SCAI: variants seen among roughly 807,000 people sequenced by gnomAD.
The protein encoded by SCAI is protein SCAI.
In SCAI, 24 loss-of-function variants were observed where a neutral mutation model predicts 92.2. That is an observed-to-expected ratio of 0.26 (90% CI 0.19 to 0.37). SCAI has a LOEUF of 0.37. Ranked by LOEUF, SCAI falls within the 10% of genes least tolerant of loss-of-function variation. The pLI is 1.00. For synonymous variants in SCAI, 261 were observed against 258.6 expected (o/e 1.01, Z -0.09); for missense variants, 450 against 736.2 (o/e 0.61, Z 4.50).
intron 14 of SCAI, among the ~76,000 whole-genome samples, chr9:124,982,679 C>CAAAA (rs35467160): frequency 2.7e-5 from 2 of 74,086 alleles, no homozygotes; most frequent in Non-Finnish European, 2.7e-5. Context: ...GACTCTGTCT[C>CAAAA]AAAAAAAAAA....
intron 2 of SCAI, among the ~76,000 whole-genome samples, chr9:125,119,148 T>C (rs1366442069): frequency 6.6e-6 from 1 of 152,128 alleles, no homozygotes; most frequent in African/African-American, 2.4e-5. Context: ...CCCATCTCTA[T>C]TGTTGGCGGG....
chr9:125,112,463 G>C (rs1010250089), intron 2 of SCAI, among the ~76,000 whole-genome samples: 1 of 152,310 alleles, frequency 6.6e-6, no homozygotes, highest in East Asian at 1.9e-4. Context: ...AACTCTTCTT[G>C]TAACCGGCCA....
intron 17 of SCAI, among the ~76,000 whole-genome samples, chr9:124,960,336 G>GC (rs1161970440): frequency 6.6e-6 from 1 of 152,056 alleles, no homozygotes; most frequent in Non-Finnish European, 1.5e-5. Context: ...CTCAAGCGAC[G>GC]CCCCAGCTTT....
intron 17 of SCAI, among the ~76,000 whole-genome samples, chr9:124,970,652 G>A (rs950728444): frequency 1.3e-5 from 2 of 152,008 alleles, no homozygotes; most frequent in Non-Finnish European, 2.9e-5. Flanking sequence ...GAACCCAGGA[G>A]GCAGAGGTTG....
rs146990437 is a variant in SCAI at position 125,059,452 on chromosome 9, A to G, written c.99-3445T>C. 2.1e-3 allele frequency among the ~76,000 whole-genome samples: 324 copies of G among 152,360 alleles called. 1 individual carries two copies. Among genetic ancestry groups the G allele is most frequent in the African/African-American group, 7.0e-3 (291 of 41,588 alleles). On this transcript the variant is annotated intron_variant, in intron 2 of 17. Transcript: ENST00000336505. The stretch of plus-strand genomic sequence containing the variant: ...AGGAGTAAATTTCAATGTTAATAAG[A>G]AAAATGTTCAACCACCAATGATGAA...
intron 2 of SCAI, among the ~76,000 whole-genome samples, chr9:125,126,567 G>GTGTGTGT (rs1835283082): frequency 6.8e-4 from 88 of 128,576 alleles, no homozygotes; most frequent in African/African-American, 2.4e-3. Context: ...GGTGGGTGTG[G>GTGTGTGT]GTGTGTGTGT....
chr9:124,993,149 C>T (rs1241825202), intron 14 of SCAI, among the ~76,000 whole-genome samples: 1 of 152,236 alleles, frequency 6.6e-6, no homozygotes, highest in African/African-American at 2.4e-5. Context: ...AGACAGAGTA[C>T]TTCTTTTGAA....
At chr9:125,026,045 T>C (rs1832958569) in intron 6 of SCAI, among the ~76,000 whole-genome samples, 1 of 152,216 alleles carries the variant, frequency 6.6e-6, no homozygotes, top group Admixed American at 6.5e-5. Flanking sequence ...TCTGATTTCT[T>C]CCACAATTCC....
intron 10 of SCAI, 21 bp from the exon 11 acceptor site, chr9:125,003,236 CATT>C: frequency 6.5e-7 from 1 of 1,543,256 alleles, no homozygotes; most frequent in Non-Finnish European, 9.0e-7. Context: ...ACACAGAAAA[CATT>C]ATACATAAAA....
intron 3 of SCAI, among the ~76,000 whole-genome samples, chr9:125,037,098 G>T (rs2131101102): frequency 6.6e-6 from 1 of 152,164 alleles, no homozygotes; most frequent in East Asian, 1.9e-4. Context: ...GTGAAACCCT[G>T]TCTCTACTAA....
intron 14 of SCAI, among the ~76,000 whole-genome samples, chr9:124,991,211 G>C (rs1832114086): frequency 1.3e-5 from 2 of 151,694 alleles, no homozygotes; most frequent in Admixed American, 6.6e-5. Context: ...AATTAGCCAG[G>C]TGTGGTGGCA....
intron 14 of SCAI, among the ~76,000 whole-genome samples, chr9:124,991,180 C>T (rs1275972119): frequency 1.3e-5 from 2 of 151,494 alleles, no homozygotes; most frequent in Non-Finnish European, 2.9e-5. Context: ...TGGGGAAATC[C>T]CATCTCTACT....
intron 7 of SCAI, among the ~76,000 whole-genome samples, chr9:125,020,348 TCA>T (rs978804897): frequency 1.3e-4 from 20 of 152,310 alleles, no homozygotes; most frequent in Admixed American, 2.6e-4. Context: ...TACTTTTTCT[TCA>T]CATAACATTT....
At chr9:125,001,524 T>C (rs1832361567) in intron 12 of SCAI, among the ~76,000 whole-genome samples, 5 of 152,216 alleles carry the variant, frequency 3.3e-5, no homozygotes, top group Admixed American at 3.3e-4. Context: ...GTTACGAAAG[T>C]ACACTGATTT....
chr9:125,037,484 C>T (rs968084813), intron 3 of SCAI, among the ~76,000 whole-genome samples: 1 of 151,988 alleles, frequency 6.6e-6, no homozygotes, highest in Non-Finnish European at 1.5e-5. Context: ...ATGACCTAAC[C>T]AATTCCATTT....
At chr9:125,072,637 C>T (rs1834001207) in intron 2 of SCAI, among the ~76,000 whole-genome samples, 1 of 152,126 alleles carries the variant, frequency 6.6e-6, no homozygotes, top group South Asian at 2.1e-4. Flanking sequence ...CATCCATCTC[C>T]ATTTTTACCT....
intron 17 of SCAI, among the ~76,000 whole-genome samples, chr9:124,962,867 T>C (rs539787139): frequency 2.0e-5 from 3 of 151,840 alleles, no homozygotes; most frequent in Non-Finnish European, 4.4e-5. Flanking sequence ...CGCGCGATCT[T>C]GGCTCACTGC....
intron 2 of SCAI, among the ~76,000 whole-genome samples, chr9:125,116,053 C>T (rs1031923767): frequency 6.6e-6 from 1 of 152,156 alleles, no homozygotes; most frequent in Non-Finnish European, 1.5e-5. Context: ...ATTAGCCGAG[C>T]ATGGTGGCAC....
At chr9:125,021,483 CTTT>C (rs1477983584) in intron 6 of SCAI, among the ~76,000 whole-genome samples, 2 of 152,096 alleles carry the variant, frequency 1.3e-5, no homozygotes, top group Non-Finnish European at 1.5e-5. Flanking sequence ...TATACTACTT[CTTT>C]GTTATTGTTC....
Sources: allele counts gnomAD v4.1 joint callset (sites outside exome capture counted in the v4.1 genomes callset), GRCh38; gene constraint gnomAD v4.1.1; transcripts MANE v1.5; gene names NCBI Gene and HGNC (gene_info 2026-07-23, HGNC 2026-07-21).